TRIT1: variants seen among roughly 807,000 people sequenced by gnomAD.
TRIT1 encodes the protein tRNA dimethylallyltransferase.
TRIT1 carries 43 observed loss-of-function variants against 51.2 expected under a neutral mutation model. That is an observed-to-expected ratio of 0.84 (90% CI 0.66 to 1.08). TRIT1 has a LOEUF of 1.08. TRIT1 is among the 50% of genes least tolerant of loss of function. TRIT1 has a pLI of 0.00. For synonymous variants in TRIT1, 184 were observed against 203.9 expected (o/e 0.90, Z 0.83); for missense variants, 528 against 578.4 (o/e 0.91, Z 0.89).
chr1:39,844,401 A>T (rs1642102405), intron 9 of TRIT1, 130 bp downstream of exon 9: 5 of 876,140 alleles, frequency 5.7e-6, no homozygotes, highest in Non-Finnish European at 9.1e-6. Context: ...CCAGGTATTA[A>T]AAAGCAGCCA....
intron 1 of TRIT1, among the ~76,000 whole-genome samples, chr1:39,863,086 A>G (rs1557562141): frequency 6.6e-6 from 1 of 152,268 alleles, no homozygotes; most frequent in African/African-American, 2.4e-5. Context: ...ATTATCTAAC[A>G]TAATTGACTT....
In TRIT1 at chr1:39,844,122, T is replaced by A; in HGVS notation, c.1213A>T (p.Ile405Phe). The change falls in exon 10 of 11, where the codon ATT (isoleucine) becomes TTT (phenylalanine). Residue 405 changes from isoleucine (I) to phenylalanine (F), a missense_variant. Ile to Phe is a conservative substitution (Grantham distance 21). This residue lies in a region of TRIT1 where 468 missense variants were observed against 522.6 expected (regional missense o/e 0.90). Transcript: ENST00000316891. ...HLCDLCDRII[I>F]GDREWAAHIK... is the part of the protein sequence containing the mutation. ...CTACCTGCCCATTCGCGATCCCCAA[T>A]GATGATTCGATCACAGAGGTCACAC... is the stretch of plus-strand genomic sequence containing the variant. 1 of 1,614,006 alleles carries A rather than the reference T, an allele frequency of 6.2e-7. No homozygotes were observed. The highest frequency in any genetic ancestry group is 8.5e-7 in the Non-Finnish European group (1 of 1,179,884).
intron 5 of TRIT1, 36 bp downstream of exon 5, chr1:39,850,083 T>G: frequency 6.2e-7 from 1 of 1,608,474 alleles, no homozygotes; most frequent in Non-Finnish European, 8.5e-7. Context: ...CCAAGTTCCA[T>G]CACAGATGGA....
Position 39,857,317 on chromosome 1 carries a change from T to A in TRIT1, c.275A>T (p.Asn92Ile). Residue 92 changes from asparagine (N) to isoleucine (I), a missense_variant, in exon 2 of 11, where the codon AAT becomes ATT. This residue lies in a region of TRIT1 where 468 missense variants were observed against 522.6 expected (regional missense o/e 0.90). Transcript: ENST00000316891. Reference protein sequence around the residue: ...MISFVDPLVTNYTVVDFRNRA... With the variant: ...MISFVDPLVTIYTVVDFRNRA... ...ATTTCTGAAGTCCACCACTGTGTAA[T>A]TGGTCACAAGAGGATCCACAAAGCT... 6.2e-7 allele frequency: 1 copy of A among 1,613,838 alleles called. No homozygotes were observed. Among genetic ancestry groups the A allele is most frequent in the East Asian group, 2.2e-5 (1 of 44,886 alleles).
At position 39,878,428 on chromosome 1, in the gene TRIT1, T is replaced by G. The variant is rs61781266; in HGVS notation, c.174+4890A>C. Among the ~76,000 whole-genome samples the G allele has an allele frequency of 2.1e-3, 320 of 152,338 alleles. 3 individuals are homozygous for G. Among genetic ancestry groups the G allele is most frequent in the Admixed American group, 0.017 (257 of 15,304 alleles). On this transcript the variant is annotated intron_variant, in intron 1 of 10. Coordinates refer to ENST00000316891, the MANE Select transcript of TRIT1 (RefSeq NM_017646.6). The stretch of plus-strand genomic sequence containing the variant: ...TGTAGGGTTGACCTTGGGTAGGTGT[T>G]GCCTTGGATGACCCTACATTTTAAA...
intron 1 of TRIT1, among the ~76,000 whole-genome samples, chr1:39,876,528 G>GTATATATC (rs143110843): frequency 0.01 from 1,313 of 127,632 alleles, 10 homozygotes; most frequent in Non-Finnish European, 0.014. Context: ...ATTTATATGT[G>GTATATATC]TATCTATCTA....
chr1:39,869,357 G>A (rs1277074663), intron 1 of TRIT1, among the ~76,000 whole-genome samples: 3 of 152,290 alleles, frequency 2.0e-5, no homozygotes, highest in Non-Finnish European at 4.4e-5. Flanking sequence ...TGCTAGCCTC[G>A]GCCTCCCGAG....
Position 39,857,409 on chromosome 1 carries a change from T to C in TRIT1, c.183A>G (p.Glu61=). The change falls in exon 2 of 11, where the codon GAA becomes GAG. Residue 61 remains glutamate (E), a synonymous_variant. Coordinates refer to ENST00000316891, the MANE Select transcript of TRIT1 (RefSeq NM_017646.6). ...IVSADSMQVY[E]GLDIITNKVS... ...CCTTGTTGGTGATGATGTCTAGGCC[T>C]TCATAGACCTAGGGGAAAGAAAATT... 11 of 1,613,194 alleles carry C rather than the reference T, an allele frequency of 6.8e-6. No homozygotes were observed. Among genetic ancestry groups the C allele is most frequent in the Non-Finnish European group, 8.5e-6 (10 of 1,179,552 alleles).
intron 7 of TRIT1, 104 bp downstream of exon 7, chr1:39,847,444 G>A (rs1001457782): frequency 1.2e-5 from 18 of 1,446,446 alleles, no homozygotes; most frequent in Admixed American, 5.2e-5. Flanking sequence ...TGAGCTGAAG[G>A]CTATTTGGGA....
intron 1 of TRIT1, chr1:39,862,968 C>A: frequency 1.0e-6 from 1 of 985,296 alleles, no homozygotes; most frequent in African/African-American, 1.7e-5. Flanking sequence ...GAATGAAATG[C>A]TTTTCTCTGC....
rs756103136 is a variant in TRIT1 at position 39,844,513 on chromosome 1, A to T, written c.1116+18T>A. The T allele has an allele frequency of 3.2e-6, 5 of 1,587,264 alleles. No homozygotes were observed. In the African/African-American group the frequency reaches 5.4e-5, roughly 17 times the overall value. ...CTCTGAAAACCAGAAAATAGAATGT[A>T]TCATGATTCATAATTACCTGGATGA... On this transcript the variant is annotated intron_variant, in intron 9 of 10. Coordinates refer to ENST00000316891, the MANE Select transcript of TRIT1 (RefSeq NM_017646.6).
intron 1 of TRIT1, among the ~76,000 whole-genome samples, chr1:39,860,808 A>G (rs1356730933): frequency 6.6e-6 from 1 of 152,238 alleles, no homozygotes; most frequent in Admixed American, 6.5e-5. Flanking sequence ...AGCCGCGTGC[A>G]GTGGCTCACA....
In TRIT1 at chr1:39,844,086, C is replaced by T. The variant is rs1464948376; in HGVS notation, c.1234+15G>A. 22 of 1,589,788 alleles carry T rather than the reference C, an allele frequency of 1.4e-5. No homozygotes were observed. The highest frequency in any genetic ancestry group is 1.8e-5 in the Non-Finnish European group (21 of 1,158,474). Reference sequence around the variant, plus strand: ...CACCCTTATAGATTTCTTCATGCCCCTCCCCATACTCTACCTGCCCATTCG... The same window carrying T: ...CACCCTTATAGATTTCTTCATGCCCTTCCCCATACTCTACCTGCCCATTCG... On this transcript the variant is annotated intron_variant, in intron 10 of 10. Transcript: ENST00000316891.
intron 1 of TRIT1, among the ~76,000 whole-genome samples, chr1:39,880,157 G>C (rs902723651): frequency 3.2e-5 from 4 of 126,316 alleles, no homozygotes; most frequent in African/African-American, 6.2e-5. Flanking sequence ...CCTAGTGACA[G>C]AGCAATACTC....
chr1:39,869,739 G>A (rs1285103602), intron 1 of TRIT1, among the ~76,000 whole-genome samples: 3 of 151,328 alleles, frequency 2.0e-5, no homozygotes, highest in South Asian at 2.1e-4. Flanking sequence ...GAACTGAGGA[G>A]TGTCTCTGCC....
Position 39,840,721 on chromosome 1 carries a change from C to T in TRIT1, c.*1023G>A, listed in dbSNP as rs906962006. Among the ~76,000 whole-genome samples, 7 of 152,190 alleles carry T rather than the reference C, an allele frequency of 4.6e-5. No individual in the cohort carries two copies. Among genetic ancestry groups the T allele is most frequent in the African/African-American group, 1.7e-4 (7 of 41,446 alleles). On this transcript the variant is annotated 3_prime_UTR_variant, in exon 11 of 11. Coordinates refer to ENST00000316891, the MANE Select transcript of TRIT1 (RefSeq NM_017646.6). ...GGAAATAGTGGCAACGATTGCACAA[C>T]ATTGTGAATGTAGTTAATGCTGCTG...
At chr1:39,844,453 C>A in intron 9 of TRIT1, 78 bp downstream of exon 9, 1 of 1,189,014 alleles carries the variant, frequency 8.4e-7, no homozygotes, top group Non-Finnish European at 1.2e-6. Context: ...CCTGGTTCTT[C>A]AATATAGCAA....
At chr1:39,867,446 A>G (rs995498053) in intron 1 of TRIT1, among the ~76,000 whole-genome samples, 1 of 152,200 alleles carries the variant, frequency 6.6e-6, no homozygotes, top group African/African-American at 2.4e-5. Context: ...CGCCTGGCCA[A>G]GGCCATAGTT....
intron 4 of TRIT1, among the ~76,000 whole-genome samples, chr1:39,851,940 C>A (rs1242420968): frequency 7.0e-6 from 1 of 143,000 alleles, no homozygotes; most frequent in Non-Finnish European, 1.5e-5. Flanking sequence ...AAGTAAGACT[C>A]TATCTCTTAA....
Sources: allele counts gnomAD v4.1 joint callset (sites outside exome capture counted in the v4.1 genomes callset), GRCh38; gene constraint gnomAD v4.1.1; regional missense constraint gnomAD v4.1.1; transcripts MANE v1.5; gene names NCBI Gene and HGNC (gene_info 2026-07-23, HGNC 2026-07-21).